Variants in EPB41L3 observed in about 807,000 individuals in gnomAD.
The protein encoded by EPB41L3 is erythrocyte membrane protein band 4.1 like 3.
A neutral mutation model predicts 127.1 loss-of-function variants in EPB41L3; 57 were observed. The ratio of observed to expected loss-of-function variants is 0.45; its 90% CI spans 0.36 to 0.56. The LOEUF (loss-of-function observed/expected upper bound fraction) is 0.56, where lower values mean the gene tolerates loss of function less well. Ranked by LOEUF, EPB41L3 falls within the 20% of genes least tolerant of loss-of-function variation. EPB41L3 has a pLI of 0.00. For synonymous variants in EPB41L3, 572 were observed against 549.5 expected (o/e 1.04, Z -0.57); for missense variants, 1,273 against 1,372.2 (o/e 0.93, Z 1.14).
At chr18:5,472,478 G>C (rs1286341135) in intron 3 of EPB41L3, among the ~76,000 whole-genome samples, 1 of 152,170 alleles carries the variant, frequency 6.6e-6, no homozygotes, top group East Asian at 1.9e-4. Flanking sequence ...ATGGAGGAGG[G>C]TGGCATGTTA....
intron 3 of EPB41L3, among the ~76,000 whole-genome samples, chr18:5,587,094 C>T (rs1158086890): frequency 6.6e-6 from 1 of 152,064 alleles, no homozygotes; most frequent in Non-Finnish European, 1.5e-5. Flanking sequence ...GAAATTAACT[C>T]GTATAAGTTA....
intron 3 of EPB41L3, among the ~76,000 whole-genome samples, chr18:5,584,717 A>G (rs989674576): frequency 6.6e-6 from 1 of 152,216 alleles, no homozygotes; most frequent in East Asian, 1.9e-4. Flanking sequence ...GCTTCTTTTT[A>G]TTGCAAAGGG....
intron 15 of EPB41L3, 91 bp downstream of exon 15, chr18:5,407,610 C>T (rs1357867793): frequency 2.9e-6 from 4 of 1,365,786 alleles, no homozygotes; most frequent in East Asian, 2.3e-5. Context: ...ACAGAGCATG[C>T]TGAAAGATCT....
chr18:5,538,223 C>T (rs768175869), intron 1 of EPB41L3, among the ~76,000 whole-genome samples: 12 of 152,186 alleles, frequency 7.9e-5, no homozygotes, highest in African/African-American at 1.9e-4. Flanking sequence ...CCAAATTGCA[C>T]GTCAACTAAG....
chr18:5,418,856 C>T (rs919446432), intron 12 of EPB41L3, among the ~76,000 whole-genome samples: 1 of 152,102 alleles, frequency 6.6e-6, no homozygotes, highest in Non-Finnish European at 1.5e-5. Context: ...AAAGATCACT[C>T]GTGAATCAAA....
At chr18:5,520,980 C>A (rs1225285169) in intron 1 of EPB41L3, among the ~76,000 whole-genome samples, 3 of 152,188 alleles carry the variant, frequency 2.0e-5, no homozygotes, top group Non-Finnish European at 2.9e-5. Flanking sequence ...ATAACCCACA[C>A]ACCACTCCTT....
At chr18:5,539,753 T>C (rs182663438) in intron 1 of EPB41L3, 4 of 152,374 alleles carry the variant, frequency 2.6e-5, no homozygotes, top group Non-Finnish European at 5.9e-5. Context: ...CGAATTTCAG[T>C]CTTATCATTT....
chr18:5,586,877 A>G (rs140017885), intron 3 of EPB41L3, among the ~76,000 whole-genome samples: 137 of 152,310 alleles, frequency 9.0e-4, no homozygotes, highest in African/African-American at 3.2e-3. Flanking sequence ...TCAGTATTTG[A>G]GCCCTAAGGG....
chr18:5,567,644 G>A (rs1346101503), intron 3 of EPB41L3, among the ~76,000 whole-genome samples: 1 of 151,956 alleles, frequency 6.6e-6, no homozygotes, highest in East Asian at 1.9e-4. Context: ...AAGGAAGGAA[G>A]GAAGAAAGGA....
intron 1 of EPB41L3, among the ~76,000 whole-genome samples, chr18:5,516,744 A>G (rs2092767425): frequency 6.6e-6 from 1 of 152,226 alleles, no homozygotes; most frequent in Non-Finnish European, 1.5e-5. Context: ...AGCCCACTAT[A>G]TATTTGTATT....
chr18:5,407,491 A>G (rs1176444802), intron 15 of EPB41L3, among the ~76,000 whole-genome samples: 1 of 152,210 alleles, frequency 6.6e-6, no homozygotes. Context: ...TTATTCGTTT[A>G]ATCAGACTAT....
intron 2 of EPB41L3, among the ~76,000 whole-genome samples, chr18:5,484,110 A>AAAAAAAC (rs2089227054): frequency 7.3e-6 from 1 of 136,148 alleles, no homozygotes; most frequent in Non-Finnish European, 1.5e-5. Context: ...AAAAAAAAAA[A>AAAAAAAC]AAAAAAAAAA....
chr18:5,470,653 G>A (rs997820117), intron 3 of EPB41L3, among the ~76,000 whole-genome samples: 6 of 152,302 alleles, frequency 3.9e-5, no homozygotes, highest in Middle Eastern at 3.4e-3. Flanking sequence ...ACTTATGTCC[G>A]GAAGGGACAA....
At chr18:5,430,818 A>C (rs978851736) in intron 8 of EPB41L3, among the ~76,000 whole-genome samples, 4 of 151,790 alleles carry the variant, frequency 2.6e-5, no homozygotes, top group African/African-American at 9.7e-5. Context: ...CCTGTCTCAG[A>C]GTGCTAGGAT....
At chr18:5,603,586 C>G (rs188912063) in intron 3 of EPB41L3, among the ~76,000 whole-genome samples, 1 of 152,186 alleles carries the variant, frequency 6.6e-6, no homozygotes, top group Admixed American at 6.5e-5. Flanking sequence ...ACTGCAGGAG[C>G]TATAAAATTT....
intron 3 of EPB41L3, among the ~76,000 whole-genome samples, chr18:5,552,866 G>T (rs1031679285): frequency 6.6e-6 from 1 of 152,210 alleles, no homozygotes; most frequent in Non-Finnish European, 1.5e-5. Context: ...ACAAGCTCGG[G>T]TAGTCTGACT....
At chr18:5,559,965 G>T (rs1026307981) in intron 3 of EPB41L3, among the ~76,000 whole-genome samples, 2 of 152,070 alleles carry the variant, frequency 1.3e-5, no homozygotes, top group Non-Finnish European at 2.9e-5. Context: ...ATGTTATTTA[G>T]CCTTCCTTTA....
intron 3 of EPB41L3, among the ~76,000 whole-genome samples, chr18:5,449,516 AC>A (rs1238605238): frequency 6.6e-6 from 1 of 152,094 alleles, no homozygotes; most frequent in Admixed American, 6.5e-5. Context: ...CCACTCAAAA[AC>A]TTGCACACAA....
intron 3 of EPB41L3, among the ~76,000 whole-genome samples, chr18:5,471,252 G>T (rs1248650491): frequency 2.0e-5 from 3 of 152,198 alleles, no homozygotes; most frequent in Admixed American, 1.3e-4. Context: ...GCAGTTGAAA[G>T]GGCAGCACCG....
Sources: allele counts gnomAD v4.1 joint callset (sites outside exome capture counted in the v4.1 genomes callset), GRCh38; gene constraint gnomAD v4.1.1; transcripts MANE v1.5; gene names NCBI Gene and HGNC (gene_info 2026-07-23, HGNC 2026-07-21).